The following TXNRD2 variants were observed in gnomAD, a reference collection of about 807,000 sequenced individuals.
TXNRD2 encodes thioredoxin reductase 2, mitochondrial.
Under a neutral mutation model 70.8 loss-of-function variants are expected in TXNRD2, and 67 were observed. That is an observed-to-expected ratio of 0.95 (90% CI 0.78 to 1.16). The LOEUF is 1.16. Ranked by LOEUF, TXNRD2 falls within the 50% of genes most tolerant of loss-of-function variation. TXNRD2 has a pLI of 0.00. For synonymous variants in TXNRD2, 301 were observed against 295.8 expected, an observed-to-expected ratio of 1.02 and a Z score of -0.18; for missense variants, 644 against 719.9, an observed-to-expected ratio of 0.89 and a Z score of 1.21.
intron 7 of TXNRD2, among the ~76,000 whole-genome samples, chr22:19,911,765 G>T (rs572103795): frequency 1.3e-5 from 2 of 152,264 alleles, no homozygotes; most frequent in African/African-American, 4.8e-5. Flanking sequence ...AACTGCAGGG[G>T]CCATACAGGC....
chr22:19,913,433 C>G (rs142744795), intron 7 of TXNRD2, among the ~76,000 whole-genome samples: 4 of 151,180 alleles, frequency 2.6e-5, no homozygotes, highest in Admixed American at 6.6e-5. Context: ...AAAGCCCCCC[C>G]ACAAAGAAGA....
At chr22:19,891,946 C>T (rs778688191) in intron 11 of TXNRD2, among the ~76,000 whole-genome samples, 2 of 152,268 alleles carry the variant, frequency 1.3e-5, no homozygotes, top group Non-Finnish European at 2.9e-5. Context: ...GTCCATGGTC[C>T]TCGCCAGCTG....
intron 3 of TXNRD2, 34 bp from the exon 4 acceptor site, chr22:19,919,038 T>A: frequency 6.9e-6 from 11 of 1,598,294 alleles, no homozygotes; most frequent in Non-Finnish European, 9.3e-6. Flanking sequence ...TGAATTTATG[T>A]TCAGGTGACT....
chr22:19,907,707 C>A (rs111476985), intron 8 of TXNRD2, among the ~76,000 whole-genome samples: 93 of 35,736 alleles, frequency 2.6e-3, no homozygotes, highest in Middle Eastern at 0.02. Context: ...TAGCAGTGAC[C>A]GCTCTCAGGA....
At chr22:19,885,302 C>T (rs977916803) in intron 11 of TXNRD2, among the ~76,000 whole-genome samples, 2 of 152,220 alleles carry the variant, frequency 1.3e-5, no homozygotes, top group Non-Finnish European at 2.9e-5. Context: ...CCCTGCTCAT[C>T]GTGGCTGGGA....
intron 11 of TXNRD2, among the ~76,000 whole-genome samples, chr22:19,886,213 T>C (rs1271149463): frequency 6.6e-6 from 1 of 152,228 alleles, no homozygotes; most frequent in Non-Finnish European, 1.5e-5. Flanking sequence ...GAAGCTGGGC[T>C]GGTGGGACGT....
intron 8 of TXNRD2, among the ~76,000 whole-genome samples, chr22:19,909,871 C>CACTCACACACACCACCACACACACCCT (rs1940302627): frequency 1.8e-5 from 1 of 55,650 alleles, no homozygotes; most frequent in South Asian, 7.4e-4. Flanking sequence ...ACACACACAC[C>CACTCACACACACCACCACACACACCCT]ACTCACACAC....
At chr22:19,932,866 G>T (rs941244752) in intron 1 of TXNRD2, among the ~76,000 whole-genome samples, 2 of 152,214 alleles carry the variant, frequency 1.3e-5, no homozygotes, top group Non-Finnish European at 2.9e-5. Context: ...CCATGAGAAG[G>T]CTGCACTTAT....
chr22:19,916,048 C>T lies in TXNRD2; in HGVS notation c.450-205G>A, dbSNP rs527982228. ...CACCTCGCCTGTCCCCCAGGGATCC[C>T]AGGGACATGTTAACCACAGGTGTCA... On this transcript the variant is annotated intron_variant, in intron 5 of 17. Coordinates refer to ENST00000400521, the MANE Select transcript of TXNRD2 (RefSeq NM_006440.5). 6.1e-5 allele frequency: 35 copies of T among 572,368 alleles called. No individual in the cohort carries two copies. The East Asian group carries it at 1.1e-3, about 18-fold the overall frequency. The allele number at this position is 572,368 out of a possible 1,614,324, so 35.5% of individuals were successfully genotyped here.
intron 1 of TXNRD2, among the ~76,000 whole-genome samples, chr22:19,941,042 A>G (rs1941693894): frequency 6.6e-6 from 1 of 152,152 alleles, no homozygotes; most frequent in Non-Finnish European, 1.5e-5. Flanking sequence ...TGTCACAAGC[A>G]TCCAGGGGGC....
chr22:19,901,100 G>A (rs1013850899), intron 8 of TXNRD2, among the ~76,000 whole-genome samples: 3 of 152,232 alleles, frequency 2.0e-5, no homozygotes, highest in African/African-American at 7.2e-5. Context: ...TAGGGATACA[G>A]CAACACACCC....
intron 1 of TXNRD2, among the ~76,000 whole-genome samples, chr22:19,940,356 C>T (rs1248054779): frequency 1.3e-5 from 2 of 151,652 alleles, no homozygotes; most frequent in African/African-American, 4.8e-5. Context: ...GAAAGGAATG[C>T]CTGGAGACTA....
At chr22:19,903,015 T>A in intron 8 of TXNRD2, 1 of 518,674 alleles carries the variant, frequency 1.9e-6, no homozygotes. Flanking sequence ...CCAGCCCAAG[T>A]TATAAAAACA....
intron 1 of TXNRD2, among the ~76,000 whole-genome samples, chr22:19,936,208 C>G (rs75033730): frequency 1.3e-5 from 2 of 151,708 alleles, no homozygotes; most frequent in Non-Finnish European, 2.9e-5. Flanking sequence ...ATACCAATCC[C>G]GTGACACCCT....
intron 11 of TXNRD2, among the ~76,000 whole-genome samples, chr22:19,893,267 G>A (rs1007389037): frequency 1.3e-5 from 2 of 152,206 alleles, no homozygotes; most frequent in African/African-American, 2.4e-5. Context: ...GGCTCTCGCA[G>A]GGGACAACGG....
chr22:19,941,652 C>T (rs1354419958), intron 1 of TXNRD2, 49 bp downstream of exon 1: 16 of 1,421,216 alleles, frequency 1.1e-5, no homozygotes, highest in Non-Finnish European at 1.4e-5. Flanking sequence ...CACGAGGACA[C>T]CCCGGCCGCG....
At chr22:19,936,568 A>G (rs1015342731) in intron 1 of TXNRD2, among the ~76,000 whole-genome samples, 2 of 151,664 alleles carry the variant, frequency 1.3e-5, no homozygotes, top group African/African-American at 4.8e-5. Context: ...CCCATCCACC[A>G]CAGCCCCTCA....
At chr22:19,898,510 C>CTTTTTTT (rs386394954) in intron 9 of TXNRD2, among the ~76,000 whole-genome samples, 14 of 94,390 alleles carry the variant, frequency 1.5e-4, no homozygotes, top group East Asian at 3.2e-4. Flanking sequence ...CGGCTTGGGG[C>CTTTTTTT]TTTTTTTTTT....
chr22:19,895,138 C>T, intron 11 of TXNRD2: 1 of 1,598,478 alleles, frequency 6.3e-7, no homozygotes, highest in Non-Finnish European at 8.5e-7. Context: ...CCGTCTCAGT[C>T]TCTTCTCTGG....
Sources: gnomAD v4.1 joint callset for allele counts (sites outside exome capture counted in the v4.1 genomes callset) on GRCh38, gnomAD v4.1.1 for gene constraint, MANE v1.5 for transcripts, NCBI Gene and HGNC (gene_info 2026-07-23, HGNC 2026-07-21) for gene names.